The following SHC3 variants were observed in gnomAD, a reference collection of about 807,000 sequenced individuals.
The protein encoded by SHC3 is SHC-transforming protein 3.
A neutral mutation model predicts 60.4 loss-of-function variants in SHC3; 15 were observed. The ratio of observed to expected loss-of-function variants is 0.25; its 90% CI spans 0.17 to 0.38. The LOEUF is 0.38. Ranked by LOEUF, SHC3 falls within the 10% of genes least tolerant of loss-of-function variation. The pLI, the probability that SHC3 is intolerant of heterozygous loss-of-function variation, is 1.00. For missense variants in SHC3, 677 were observed against 786.1 expected (o/e 0.86, Z 1.66); for synonymous variants, 294 against 325.9 (o/e 0.90, Z 1.05).
In SHC3 at chr9:89,154,219, C is replaced by T. The variant is rs868117132; in HGVS notation, c.474+23768G>A. Among the ~76,000 whole-genome samples the T allele has an allele frequency of 1.5e-4, 23 of 150,970 alleles. 1 individual carries two copies. The highest frequency in any genetic ancestry group is 6.8e-3 in the Middle Eastern group (2 of 294). ...GTGTGATTTTTCTTTTTTTTTTTAGCTCATCAGCTATCATTAGTGTTAATG... is the reference window on the plus strand; with the variant it reads ...GTGTGATTTTTCTTTTTTTTTTTAGTTCATCAGCTATCATTAGTGTTAATG... On this transcript the variant is annotated intron_variant, in intron 1 of 11. Transcript: ENST00000375835.
In SHC3 at chr9:89,152,049, C is replaced by T. The variant is rs191061773; in HGVS notation, c.474+25938G>A. Among the ~76,000 whole-genome samples the T allele has an allele frequency of 1.3e-3, 204 of 152,294 alleles. 2 individuals are homozygous for T. Among genetic ancestry groups the T allele is most frequent in the Admixed American group, 4.1e-3 (62 of 15,290 alleles). The stretch of plus-strand genomic sequence containing the variant: ...TCTCTTTCTAGGATTATATTGTTAG[C>T]GGAGCCAGCCCCTAGTGATTTGAGT... On this transcript the variant is annotated intron_variant, in intron 1 of 11. Coordinates refer to ENST00000375835, the MANE Select transcript of SHC3 (RefSeq NM_016848.6).
intron 2 of SHC3, among the ~76,000 whole-genome samples, chr9:89,107,673 G>C (rs1389773263): frequency 6.6e-6 from 1 of 152,172 alleles, no homozygotes; most frequent in Non-Finnish European, 1.5e-5. Flanking sequence ...AGCCTGTAAG[G>C]CTAAAATCCA....
chr9:89,110,207 C>A (rs1386070817), intron 2 of SHC3: 16 of 985,252 alleles, frequency 1.6e-5, no homozygotes, highest in Non-Finnish European at 1.9e-5. Flanking sequence ...GGAGTCCTCA[C>A]ATTTGTGTAT....
At chr9:89,155,432 G>A (rs1564185500) in intron 1 of SHC3, among the ~76,000 whole-genome samples, 1 of 152,062 alleles carries the variant, frequency 6.6e-6, no homozygotes, top group Non-Finnish European at 1.5e-5. Flanking sequence ...GATGGTCTTG[G>A]GGGTCTCAGC....
At chr9:89,175,776 AAAGT>A (rs1258253051) in intron 1 of SHC3, among the ~76,000 whole-genome samples, 4 of 152,228 alleles carry the variant, frequency 2.6e-5, no homozygotes, top group African/African-American at 9.6e-5. Flanking sequence ...GAAATCTTTT[AAAGT>A]AAGGATACCG....
chr9:89,178,659 C>T lies in SHC3; in HGVS notation c.-199G>A. On this transcript the variant is annotated 5_prime_UTR_variant, in exon 1 of 12. Coordinates refer to ENST00000375835, the MANE Select transcript of SHC3 (RefSeq NM_016848.6). The surrounding 1 kb of genome is among the most constrained non-coding windows in gnomAD (Gnocchi z 6.9). ...AAAAGCCAGCACAGCGGCGGCCGCG[C>T]AGCCCCGGCCCGGGAGACCGCTGCT... 1 of 451,228 alleles carries T rather than the reference C, an allele frequency of 2.2e-6. No homozygotes were observed. The allele number at this position is 451,228 out of a possible 1,614,324, so 28.0% of individuals were successfully genotyped here. A position where few individuals can be genotyped will look rare whatever the true frequency, so the allele number is the denominator to read the frequency against.
chr9:89,120,342 T>A (rs1826075511), intron 1 of SHC3, among the ~76,000 whole-genome samples: 1 of 152,098 alleles, frequency 6.6e-6, no homozygotes. Context: ...ATATCCAGGG[T>A]ACTCAAAGAG....
At chr9:89,153,909 G>A (rs534868574) in intron 1 of SHC3, among the ~76,000 whole-genome samples, 82 of 152,276 alleles carry the variant, frequency 5.4e-4, no homozygotes, top group African/African-American at 1.9e-3. Context: ...CACCTGCCAG[G>A]CACTCCGCAG....
chr9:89,178,540 G>T lies in SHC3; in HGVS notation c.-80C>A. The T allele has an allele frequency of 1.5e-6, 2 of 1,332,448 alleles. No homozygotes were observed. Among genetic ancestry groups the T allele is most frequent in the Non-Finnish European group, 2.0e-6 (2 of 1,010,062 alleles). 82.5% of individuals were successfully genotyped at this position (1,332,448 alleles called of 1,614,324 possible). The stretch of plus-strand genomic sequence containing the variant: ...GCGGGCTGCCGCGCATAGCAGGCGA[G>T]CCACTGTCCCCGGAGCGGGACGGAG... On this transcript the variant is annotated 5_prime_UTR_variant, in exon 1 of 12. Transcript: ENST00000375835. This position sits in a 1 kb window ranked among gnomAD's most constrained non-coding sequence, Gnocchi z 6.9.
chr9:89,147,354 C>A (rs2118205872), intron 1 of SHC3, among the ~76,000 whole-genome samples: 1 of 152,198 alleles, frequency 6.6e-6, no homozygotes, highest in South Asian at 2.1e-4. Context: ...GAATAAATAA[C>A]CAGCCTGGCT....
chr9:89,164,259 A>G (rs1425604733), intron 1 of SHC3, among the ~76,000 whole-genome samples: 1 of 152,140 alleles, frequency 6.6e-6, no homozygotes, highest in African/African-American at 2.4e-5. Flanking sequence ...ATTGACTTGA[A>G]GGCTACAGAG....
intron 11 of SHC3, among the ~76,000 whole-genome samples, 168 bp downstream of exon 11, chr9:89,037,825 G>A (rs1587688004): frequency 6.6e-6 from 1 of 152,358 alleles, no homozygotes. Flanking sequence ...CCTGGCTCCT[G>A]GCTCTGGCCT....
chr9:89,022,421 C>T (rs987194926), intron 11 of SHC3, among the ~76,000 whole-genome samples: 6 of 152,092 alleles, frequency 3.9e-5, no homozygotes, highest in Non-Finnish European at 7.4e-5. Flanking sequence ...GTTTTTGGGA[C>T]GTGGCAACCG....
intron 1 of SHC3, among the ~76,000 whole-genome samples, chr9:89,155,442 C>T (rs552563187): frequency 2.6e-5 from 4 of 152,166 alleles, no homozygotes; most frequent in Non-Finnish European, 5.9e-5. Flanking sequence ...GGGGTCTCAG[C>T]TCCCTAGTCC....
rs1337643103 is a variant in SHC3, at chr9:89,037,655, C to T, written c.1656+338G>A. 3 of 641,192 alleles carry T rather than the reference C, an allele frequency of 4.7e-6. No homozygotes were observed. The African/African-American group carries it at 5.5e-5, about 12-fold the overall frequency. 39.7% of individuals were successfully genotyped at this position (641,192 alleles called of 1,614,324 possible). A position where few individuals can be genotyped will look rare whatever the true frequency, so the allele number is the denominator to read the frequency against. On this transcript the variant is annotated intron_variant, in intron 11 of 11. Coordinates refer to ENST00000375835, the MANE Select transcript of SHC3 (RefSeq NM_016848.6). ...AGCATTCAAGATAAATATTAAAAGC[C>T]TAGGAGCCTGTACTTCCTTGTCTAC...
At chr9:89,024,189 G>A (rs1410494567) in intron 11 of SHC3, among the ~76,000 whole-genome samples, 3 of 152,140 alleles carry the variant, frequency 2.0e-5, no homozygotes, top group African/African-American at 7.2e-5. Flanking sequence ...AAAGGGCATG[G>A]TCATCCCAAG....
chr9:89,067,478 A>G (rs889621499), intron 5 of SHC3, among the ~76,000 whole-genome samples: 2 of 152,228 alleles, frequency 1.3e-5, no homozygotes, highest in African/African-American at 4.8e-5. Flanking sequence ...CACAATTTCA[A>G]TGCCAGGATT....
At chr9:89,148,587 T>C (rs1488065274) in intron 1 of SHC3, among the ~76,000 whole-genome samples, 3 of 152,240 alleles carry the variant, frequency 2.0e-5, no homozygotes, top group Admixed American at 2.0e-4. Context: ...TATTTCCTAA[T>C]AGATCAATAA....
intron 2 of SHC3, among the ~76,000 whole-genome samples, chr9:89,082,790 GC>G (rs1825466375): frequency 6.6e-6 from 1 of 152,074 alleles, no homozygotes; most frequent in Admixed American, 6.5e-5. Context: ...GTTGCCTCCC[GC>G]CCTCCTGTCT....
Sources: allele counts gnomAD v4.1 joint callset (sites outside exome capture counted in the v4.1 genomes callset), GRCh38; gene constraint gnomAD v4.1.1; non-coding constraint Gnocchi (gnomAD v3.1); transcripts MANE v1.5; gene names NCBI Gene and HGNC (gene_info 2026-07-23, HGNC 2026-07-21).